The following RNF38 variants were observed in gnomAD, a reference collection of about 807,000 sequenced individuals.
RNF38 encodes ring finger protein 38.
Under a neutral mutation model 67.2 loss-of-function variants are expected in RNF38, and 15 were observed. The ratio of observed to expected loss-of-function variants is 0.22; its 90% confidence interval spans 0.15 to 0.34. The LOEUF is 0.34. Among genes scored for constraint, RNF38 ranks in the 10% least tolerant of loss-of-function variants. The pLI, the probability that RNF38 is intolerant of heterozygous loss-of-function variation, is 1.00. For synonymous variants in RNF38, 220 were observed against 218.8 expected, an observed-to-expected ratio of 1.01 and a Z score of -0.05; for missense variants, 524 against 639.9, an observed-to-expected ratio of 0.82 and a Z score of 1.95.
chr9:36,480,846 G>A (rs377100341), intron 1 of RNF38, among the ~76,000 whole-genome samples: 2 of 151,512 alleles, frequency 1.3e-5, no homozygotes, highest in African/African-American at 2.4e-5. Flanking sequence ...CGCCACGCCC[G>A]GCCCCTTCCA....
At chr9:36,351,004 A>G (rs1391762096) in intron 9 of RNF38, 111 bp downstream of exon 9, 5 of 715,818 alleles carry the variant, frequency 7.0e-6, no homozygotes, top group African/African-American at 1.8e-5. Context: ...TCTTCTTCCA[A>G]TGTGGCCCAG....
chr9:36,447,431 T>C (rs1285342381), intron 1 of RNF38, among the ~76,000 whole-genome samples: 1 of 152,214 alleles, frequency 6.6e-6, no homozygotes, highest in Admixed American at 6.5e-5. Flanking sequence ...CGAATTCATT[T>C]ACCGTAAATT....
chr9:36,473,923 T>C (rs939473158), intron 1 of RNF38, among the ~76,000 whole-genome samples: 4 of 148,150 alleles, frequency 2.7e-5, no homozygotes, highest in African/African-American at 1.0e-4. Context: ...GAGGCGGACG[T>C]TGCAGCGAGC....
chr9:36,429,148 T>C (rs563062795), intron 1 of RNF38, among the ~76,000 whole-genome samples: 1 of 152,308 alleles, frequency 6.6e-6, no homozygotes, highest in Non-Finnish European at 1.5e-5. Context: ...TGCTCTAACT[T>C]TTAAATAAAT....
chr9:36,418,818 G>T (rs543291679), intron 2 of RNF38, among the ~76,000 whole-genome samples: 1 of 150,436 alleles, frequency 6.6e-6, no homozygotes, highest in South Asian at 2.1e-4. Flanking sequence ...AAATTAGCTG[G>T]GCATGGTGGT....
chr9:36,373,085 T>C (rs1835507372), intron 3 of RNF38, among the ~76,000 whole-genome samples: 1 of 152,148 alleles, frequency 6.6e-6, no homozygotes, highest in African/African-American at 2.4e-5. Flanking sequence ...CAGGCACCTG[T>C]AATCCCAGCT....
chr9:36,375,310 T>C (rs1425083783), intron 3 of RNF38, among the ~76,000 whole-genome samples: 1 of 152,172 alleles, frequency 6.6e-6, no homozygotes, highest in East Asian at 1.9e-4. Context: ...AATCCTCCTG[T>C]CTCAGTTTCA....
At chr9:36,469,793 T>C (rs1261936770) in intron 1 of RNF38, among the ~76,000 whole-genome samples, 1 of 152,072 alleles carries the variant, frequency 6.6e-6, no homozygotes, top group Non-Finnish European at 1.5e-5. Flanking sequence ...CTGGCCAACA[T>C]GGCGAAAACC....
chr9:36,378,815 C>T (rs1438241253), intron 2 of RNF38, among the ~76,000 whole-genome samples: 1 of 152,046 alleles, frequency 6.6e-6, no homozygotes, highest in Admixed American at 6.5e-5. Context: ...ACCATCACTT[C>T]TCTTTGTGCT....
At chr9:36,460,283 T>C (rs534363190) in intron 1 of RNF38, among the ~76,000 whole-genome samples, 242 of 152,322 alleles carry the variant, frequency 1.6e-3, no homozygotes, top group African/African-American at 5.7e-3. Flanking sequence ...TTCTCTCGCA[T>C]AAGTGACCAC....
chr9:36,427,587 ACT>A (rs1162923524), intron 1 of RNF38, among the ~76,000 whole-genome samples: 1 of 151,886 alleles, frequency 6.6e-6, no homozygotes, highest in Non-Finnish European at 1.5e-5. Flanking sequence ...GCAAAAAGGC[ACT>A]CTCTATGTAC....
intron 1 of RNF38, among the ~76,000 whole-genome samples, chr9:36,445,807 CA>C (rs1349546284): frequency 6.6e-6 from 1 of 152,210 alleles, no homozygotes; most frequent in Non-Finnish European, 1.5e-5. Flanking sequence ...TAAGGTGTCA[CA>C]AAACACCACA....
At chr9:36,378,817 CT>C (rs1190206675) in intron 2 of RNF38, among the ~76,000 whole-genome samples, 2 of 151,990 alleles carry the variant, frequency 1.3e-5, no homozygotes, top group Non-Finnish European at 2.9e-5. Flanking sequence ...CATCACTTCT[CT>C]TTGTGCTATG....
At chr9:36,403,772 G>A (rs988499263), upstream of RNF38, among the ~76,000 whole-genome samples, 1 of 152,114 alleles carries the variant, frequency 6.6e-6, no homozygotes, top group Non-Finnish European at 1.5e-5. Flanking sequence ...AACTGCATAG[G>A]ATTTTAGAAC....
chr9:36,406,875 C>T (rs1838196724), intron 2 of RNF38, among the ~76,000 whole-genome samples: 1 of 152,158 alleles, frequency 6.6e-6, no homozygotes, highest in South Asian at 2.1e-4. Flanking sequence ...CATAAAGCTG[C>T]ACTGGGCCGG....
intron 1 of RNF38, among the ~76,000 whole-genome samples, chr9:36,482,066 T>C (rs66697184): frequency 0.34 from 47,045 of 139,920 alleles, 4,480 homozygotes; most frequent in South Asian, 0.43. Context: ...TTTTTTTTTT[T>C]TTTTGAGACG....
intron 1 of RNF38, among the ~76,000 whole-genome samples, chr9:36,463,793 A>G (rs1429439244): frequency 1.3e-5 from 2 of 152,204 alleles, no homozygotes; most frequent in African/African-American, 2.4e-5. Context: ...CTAATCACCA[A>G]GAAGAGACTA....
At chr9:36,461,326 A>G (rs1839728991) in intron 1 of RNF38, among the ~76,000 whole-genome samples, 1 of 152,364 alleles carries the variant, frequency 6.6e-6, no homozygotes, top group African/African-American at 2.4e-5. Flanking sequence ...CCAGAATACA[A>G]TGACAGAGCA....
intron 1 of RNF38, among the ~76,000 whole-genome samples, chr9:36,397,362 C>T (rs1426360747): frequency 1.3e-5 from 2 of 152,166 alleles, no homozygotes; most frequent in East Asian, 3.9e-4. Flanking sequence ...GATCCACCAA[C>T]CTCGGCCTCC....
Sources: allele counts gnomAD v4.1 joint callset (sites outside exome capture counted in the v4.1 genomes callset), GRCh38; gene constraint gnomAD v4.1.1; transcripts MANE v1.5; gene names NCBI Gene and HGNC (gene_info 2026-07-23, HGNC 2026-07-21).